SAMD5: variants seen among roughly 807,000 people sequenced by gnomAD.
The protein encoded by SAMD5 is sterile alpha motif domain containing 5.
SAMD5 carries 13 observed loss-of-function variants against 11.3 expected under a neutral mutation model. The ratio of observed to expected loss-of-function variants is 1.15; its 90% CI spans 0.75 to 1.83. The LOEUF (loss-of-function observed/expected upper bound fraction) is 1.83. Among genes scored for constraint, SAMD5 ranks in the 40% most tolerant of loss-of-function variants. SAMD5 has a pLI of 0.00. For missense variants in SAMD5, 255 were observed against 239.1 expected (o/e 1.07, Z -0.44); for synonymous variants, 129 against 111.3 (o/e 1.16, Z -1.00).
the SAMD5 span, among the ~76,000 whole-genome samples, chr6:147,845,502 C>G: frequency 1.8e-3 from 271 of 152,210 alleles, 1 homozygote; most frequent in African/African-American, 6.1e-3. Flanking sequence ...TGACAAAAGA[C>G]TTGCATCTAG....
chr6:147,730,807 T>C (rs1426704175), intron 1 of SAMD5, among the ~76,000 whole-genome samples: 3 of 152,088 alleles, frequency 2.0e-5, no homozygotes, highest in African/African-American at 7.2e-5. Flanking sequence ...GACTACAGTG[T>C]TCTGTGTTTT....
the SAMD5 span, among the ~76,000 whole-genome samples, chr6:147,929,158 A>C: frequency 6.6e-6 from 1 of 152,150 alleles, no homozygotes; most frequent in Admixed American, 6.5e-5. Context: ...CAAAATACTT[A>C]CTTTGCCCAG....
intron 1 of SAMD5, among the ~76,000 whole-genome samples, chr6:147,653,001 C>A (rs1790513333): frequency 2.0e-5 from 3 of 152,136 alleles, no homozygotes; most frequent in South Asian, 2.1e-4. Context: ...AGTTTACACA[C>A]AAAATGCTCC....
At chr6:147,870,437 T>G in the SAMD5 span, among the ~76,000 whole-genome samples, 4 of 126,594 alleles carry the variant, frequency 3.2e-5, no homozygotes, top group African/African-American at 1.2e-4. Flanking sequence ...CTTTGGTGTG[T>G]GTGTGTGTGT....
the SAMD5 span, among the ~76,000 whole-genome samples, chr6:147,920,874 C>T: frequency 2.6e-5 from 4 of 152,072 alleles, no homozygotes; most frequent in African/African-American, 9.7e-5. Context: ...TAAAATAGGA[C>T]AAAATTCTCT....
downstream of SAMD5, among the ~76,000 whole-genome samples, chr6:147,739,698 T>TA (rs1465704245): frequency 1.3e-5 from 2 of 152,246 alleles, no homozygotes; most frequent in African/African-American, 4.8e-5. Flanking sequence ...GGTGATTTAC[T>TA]AATCAAATAG....
At chr6:147,509,735 A>C (rs963030861) in intron 1 of SAMD5, among the ~76,000 whole-genome samples, 1 of 152,124 alleles carries the variant, frequency 6.6e-6, no homozygotes, top group Non-Finnish European at 1.5e-5. Context: ...TTTGGGTTTG[A>C]AGAGTACCAG....
At chr6:147,949,017 A>C in the SAMD5 span, among the ~76,000 whole-genome samples, 5 of 152,230 alleles carry the variant, frequency 3.3e-5, no homozygotes, top group African/African-American at 1.2e-4. Context: ...AGAAGGTTAG[A>C]TTTCAAACTT....
the SAMD5 span, among the ~76,000 whole-genome samples, chr6:147,814,529 A>G: frequency 1.5e-4 from 23 of 152,258 alleles, no homozygotes; most frequent in African/African-American, 5.5e-4. Flanking sequence ...GCTTTATGGT[A>G]TGCTTCCTTC....
chr6:147,664,395 C>T (rs1790688083), intron 1 of SAMD5, among the ~76,000 whole-genome samples: 1 of 152,124 alleles, frequency 6.6e-6, no homozygotes, highest in Non-Finnish European at 1.5e-5. Flanking sequence ...CTGAGTGGAT[C>T]AAACTTGTCC....
the SAMD5 span, among the ~76,000 whole-genome samples, chr6:147,774,608 T>G: frequency 6.6e-6 from 1 of 152,168 alleles, no homozygotes; most frequent in Admixed American, 6.5e-5. Flanking sequence ...ATATTGTTAT[T>G]TTTTATGGAT....
chr6:147,631,738 TAA>T (rs1336130483), intron 1 of SAMD5, among the ~76,000 whole-genome samples: 1 of 151,976 alleles, frequency 6.6e-6, no homozygotes, highest in Non-Finnish European at 1.5e-5. Flanking sequence ...GGCATGTGAG[TAA>T]AGTCAATTTG....
the SAMD5 span, among the ~76,000 whole-genome samples, chr6:147,920,314 T>C: frequency 2.1e-3 from 315 of 152,288 alleles, no homozygotes; most frequent in African/African-American, 7.2e-3. Flanking sequence ...TGCTTCCTGT[T>C]CTCAAACATC....
chr6:147,601,868 G>C (rs1363703666), intron 1 of SAMD5, among the ~76,000 whole-genome samples: 1 of 152,134 alleles, frequency 6.6e-6, no homozygotes, highest in African/African-American at 2.4e-5. Context: ...GCTGCCAGAA[G>C]GAATGGGTGC....
chr6:147,825,125 C>T, the SAMD5 span, among the ~76,000 whole-genome samples: 10 of 152,020 alleles, frequency 6.6e-5, no homozygotes, highest in Non-Finnish European at 1.5e-4. Context: ...AGTGAAACCC[C>T]GTCTCTACTA....
chr6:147,530,781 C>CG (rs1788418940), intron 1 of SAMD5, among the ~76,000 whole-genome samples: 2 of 152,156 alleles, frequency 1.3e-5, no homozygotes, highest in African/African-American at 4.8e-5. Flanking sequence ...TTCCCAAACA[C>CG]AGAGAGAAAA....
the SAMD5 span, among the ~76,000 whole-genome samples, chr6:147,791,913 T>C: frequency 6.6e-6 from 1 of 152,168 alleles, no homozygotes; most frequent in Non-Finnish European, 1.5e-5. Flanking sequence ...AGAGTGGTGG[T>C]TATCAAGGAC....
chr6:147,899,076 G>A, the SAMD5 span, among the ~76,000 whole-genome samples: 1 of 150,596 alleles, frequency 6.6e-6, no homozygotes, highest in Non-Finnish European at 1.5e-5. Context: ...AGCTACTTGG[G>A]AGGAGAATGG....
the SAMD5 span, among the ~76,000 whole-genome samples, chr6:147,950,979 C>T: frequency 6.6e-6 from 1 of 150,800 alleles, no homozygotes; most frequent in Admixed American, 6.7e-5. Flanking sequence ...CTACTCAGGC[C>T]ATGTAATAAA....
Sources: gnomAD v4.1 joint callset for allele counts (sites outside exome capture counted in the v4.1 genomes callset) on GRCh38, gnomAD v4.1.1 for gene constraint, MANE v1.5 for transcripts, NCBI Gene and HGNC (gene_info 2026-07-23, HGNC 2026-07-21) for gene names.